The following CNDP2 variants were observed in gnomAD, a reference collection of about 807,000 sequenced individuals.
CNDP2 encodes the protein cytosolic non-specific dipeptidase.
Under a neutral mutation model 55.0 loss-of-function variants are expected in CNDP2, and 38 were observed. That is an observed-to-expected ratio of 0.69 (90% CI 0.53 to 0.90). The LOEUF (loss-of-function observed/expected upper bound fraction) is 0.90. Among genes scored for constraint, CNDP2 ranks in the 40% least tolerant of loss-of-function variants. CNDP2 has a pLI of 0.00. For missense variants in CNDP2, 607 were observed against 621.7 expected (o/e 0.98, Z 0.25); for synonymous variants, 241 against 260.2 (o/e 0.93, Z 0.71).
At chr18:74,502,269 T>A (rs62097447) in intron 3 of CNDP2, among the ~76,000 whole-genome samples, 64,604 of 151,986 alleles carry the variant, frequency 0.43, 14,117 homozygotes, top group East Asian at 0.68. Context: ...AAATGAACAG[T>A]CTCACTTTGT....
intron 8 of CNDP2, 84 bp downstream of exon 8, chr18:74,513,803 T>C (rs2144604209): frequency 1.4e-6 from 2 of 1,394,408 alleles, no homozygotes; most frequent in Non-Finnish European, 2.0e-6. Context: ...CTTCCCTGGG[T>C]CCAGGGGGTC....
At chr18:74,505,709 C>T in intron 3 of CNDP2, 140 bp from the exon 4 acceptor site, 1 of 836,006 alleles carries the variant, frequency 1.2e-6, no homozygotes. Flanking sequence ...CTCCATTGAA[C>T]AGTGTGCTCT....
At chr18:74,506,285 T>C (rs2144586069) in intron 4 of CNDP2, among the ~76,000 whole-genome samples, 2 of 152,120 alleles carry the variant, frequency 1.3e-5, no homozygotes, top group East Asian at 3.9e-4. Context: ...CGGGCGCCCA[T>C]CACCACGCCT....
chr18:74,510,366 T>A (rs569340250), intron 5 of CNDP2, among the ~76,000 whole-genome samples: 1 of 152,270 alleles, frequency 6.6e-6, no homozygotes, highest in South Asian at 2.1e-4. Flanking sequence ...AAAGCCACAA[T>A]GATCCAGACA....
intron 9 of CNDP2, chr18:74,518,244 A>G: frequency 3.4e-6 from 1 of 297,796 alleles, no homozygotes; most frequent in East Asian, 6.8e-5. Context: ...CCTGGACAAC[A>G]GAGCGAGACT....
At chr18:74,505,542 T>C (rs1978960912) in intron 3 of CNDP2, among the ~76,000 whole-genome samples, 1 of 149,644 alleles carries the variant, frequency 6.7e-6, no homozygotes, top group Middle Eastern at 3.4e-3. Flanking sequence ...GAGGTTGCAA[T>C]GAGCTGGGAT....
intron 9 of CNDP2, chr18:74,517,183 C>T (rs2144613081): frequency 6.6e-6 from 1 of 152,178 alleles, no homozygotes; most frequent in Middle Eastern, 3.4e-3. Flanking sequence ...ACCCTTCTGG[C>T]CTCATTTAAC....
chr18:74,500,127 T>A, intron 2 of CNDP2, 94 bp downstream of exon 2: 1 of 1,026,316 alleles, frequency 9.7e-7, no homozygotes, highest in Non-Finnish European at 1.5e-6. Flanking sequence ...TTATGCCATT[T>A]AAATCCAGGG....
At chr18:74,519,939 C>T in intron 11 of CNDP2, 60 bp from the exon 12 acceptor site, 1 of 1,520,306 alleles carries the variant, frequency 6.6e-7, no homozygotes, top group South Asian at 1.1e-5. Context: ...AGGAGTCACC[C>T]CACACCTGGG....
chr18:74,518,522 G>T lies in CNDP2; in HGVS notation c.1092G>T (p.Lys364Asn), dbSNP rs1979845662. The change falls in exon 10 of 12, where the codon AAG becomes AAT. Residue 364 changes from lysine to asparagine, a missense_variant. Coordinates refer to ENST00000324262, the MANE Select transcript of CNDP2 (RefSeq NM_018235.3). The stretch of plus-strand genomic sequence containing the variant: ...AGGTCACAAGCTACCTAACTAAGAA[G>T]TTTGCTGAACTACGCAGCCCCAATG... ...GEQVTSYLTK[K>N]FAELRSPNEF... 4.3e-6 allele frequency: 7 copies of T among 1,614,190 alleles called. No homozygotes were observed. Among genetic ancestry groups the T allele is most frequent in the Non-Finnish European group, 5.9e-6 (7 of 1,180,044 alleles).
chr18:74,511,170 T>A, intron 6 of CNDP2, 157 bp downstream of exon 6: 1 of 631,364 alleles, frequency 1.6e-6, no homozygotes. Flanking sequence ...TAAACCACCG[T>A]CCTACACCAG....
chr18:74,513,518 G>A (rs778597146), intron 7 of CNDP2, 41 bp from the exon 8 acceptor site: 13 of 1,576,220 alleles, frequency 8.2e-6, no homozygotes, highest in Admixed American at 3.5e-5. Flanking sequence ...GCCTTGGTGC[G>A]GCCTCCCCTG....
In CNDP2 at chr18:74,501,438, G is replaced by T. The variant is rs1389599291; in HGVS notation, c.170G>T (p.Gly57Val). ...GCTGCAGATGTTAAGCAGTTGGGGG[G>T]CTCTGTGGAACTGGTGGATATCGGA... ...VAAADVKQLG[G>V]SVELVDIGKQ... Residue 57 changes from glycine to valine, a missense_variant, in exon 3 of 12, where the codon GGC becomes GTC. Gly to Val is a moderately radical substitution (Grantham distance 109). Coordinates refer to ENST00000324262, the MANE Select transcript of CNDP2 (RefSeq NM_018235.3). 6.2e-7 allele frequency: 1 copy of T among 1,614,036 alleles called. No individual in the cohort carries two copies. The highest frequency in any genetic ancestry group is 8.5e-7 in the Non-Finnish European group (1 of 1,179,976).
intron 8 of CNDP2, 84 bp downstream of exon 8, chr18:74,513,803 TC>T: frequency 7.2e-7 from 1 of 1,394,426 alleles, no homozygotes; most frequent in Non-Finnish European, 9.8e-7. Flanking sequence ...CTTCCCTGGG[TC>T]CAGGGGGTCT....
intron 4 of CNDP2, chr18:74,508,591 G>A (rs1979162915): frequency 2.2e-6 from 1 of 458,096 alleles, no homozygotes; most frequent in South Asian, 2.7e-5. Flanking sequence ...GCCCCCACCT[G>A]ACCACCGTGA....
chr18:74,507,012 G>C (rs922748874), intron 4 of CNDP2: 1 of 151,554 alleles, frequency 6.6e-6, no homozygotes, highest in Non-Finnish European at 1.5e-5. Context: ...TCCTGGCCCA[G>C]TGTCAGTTGT....
intron 9 of CNDP2, 97 bp from the exon 10 acceptor site, chr18:74,518,402 C>T (rs753896988): frequency 1.1e-4 from 151 of 1,419,626 alleles, no homozygotes; most frequent in South Asian, 1.4e-4. Context: ...ATTGTAAGCT[C>T]GCTGTAGACC....
intron 9 of CNDP2, 91 bp downstream of exon 9, chr18:74,516,483 C>T (rs377145075): frequency 2.3e-5 from 30 of 1,300,938 alleles, no homozygotes; most frequent in East Asian, 5.1e-5. Flanking sequence ...GACAGACACC[C>T]GGGCCATGCA....
intron 1 of CNDP2, among the ~76,000 whole-genome samples, 181 bp downstream of exon 1, chr18:74,496,612 G>T (rs1258983655): frequency 6.6e-6 from 1 of 152,138 alleles, no homozygotes; most frequent in African/African-American, 2.4e-5. Flanking sequence ...GCGGTCGGGG[G>T]CGGAGGCCCG....
Sources: allele counts gnomAD v4.1 joint callset (sites outside exome capture counted in the v4.1 genomes callset), GRCh38; gene constraint gnomAD v4.1.1; transcripts MANE v1.5; gene names NCBI Gene and HGNC (gene_info 2026-07-23, HGNC 2026-07-21).